The following NLGN1 variants were observed in gnomAD, a reference collection of about 807,000 sequenced individuals.
NLGN1 encodes neuroligin 1.
A neutral mutation model predicts 65.5 loss-of-function variants in NLGN1; 12 were observed. The ratio of observed to expected loss-of-function variants is 0.18; its 90% CI spans 0.12 to 0.30. The LOEUF (loss-of-function observed/expected upper bound fraction) is 0.30, where lower values mean the gene tolerates loss of function less well. Ranked by LOEUF, NLGN1 falls within the 10% of genes least tolerant of loss-of-function variation. The pLI is 1.00. For missense variants in NLGN1, 750 were observed against 1,007.1 expected, an observed-to-expected ratio of 0.74 and a Z score of 3.46; for synonymous variants, 350 against 359.5, an observed-to-expected ratio of 0.97 and a Z score of 0.30.
At position 174,116,330 on chromosome 3, in the gene NLGN1, C is replaced by CTTTTTTTTTTTTTTTTTTTTTTT. The variant is rs1168837585; in HGVS notation, c.647-158980_647-158958dup. Among the ~76,000 whole-genome samples the CTTTTTTTTTTTTTTTTTTTTTTT allele has an allele frequency of 2.0e-4, 14 of 69,634 alleles. 7 individuals carry two copies. The highest frequency in any genetic ancestry group is 2.9e-4 in the African/African-American group (6 of 20,740). 45.7% of individuals were successfully genotyped at this position (69,634 alleles called of 152,430 possible). A position where few individuals can be genotyped will look rare whatever the true frequency, so the allele number is the denominator to read the frequency against. On this transcript the variant is annotated intron_variant, in intron 4 of 6. Coordinates refer to ENST00000457714, the Ensembl canonical transcript of NLGN1. Reference sequence around the variant, plus strand: ...ACATGTAAGTTTTTTTCTGGGTTTTCTTTTTTTTTTTTTTTTTTTTTTTTT... The same window carrying CTTTTTTTTTTTTTTTTTTTTTTT: ...ACATGTAAGTTTTTTTCTGGGTTTTCTTTTTTTTTTTTTTTTTTTTTTTTTTTTTTTTTTTTTTTTTTTTTTTT...
rs1176517948 is a variant in NLGN1 at position 173,509,047 on chromosome 3, C to G, written c.-321+73969C>G. ...CATCCCAAGTCCATCAGAAAGATGG[C>G]ACCTCTAGAATACATACAAATTTCT... On this transcript the variant is annotated intron_variant, in intron 2 of 6. Coordinates refer to ENST00000457714, the Ensembl canonical transcript of NLGN1. 3.3e-5 allele frequency among the ~76,000 whole-genome samples: 5 copies of G among 152,130 alleles called. No individual in the cohort carries two copies. In the East Asian group the frequency reaches 9.6e-4, roughly 29 times the overall value.
intron 4 of NLGN1, among the ~76,000 whole-genome samples, chr3:174,061,271 T>C (rs1218574466): frequency 1.3e-5 from 2 of 152,150 alleles, no homozygotes; most frequent in East Asian, 3.9e-4. Flanking sequence ...ATTGATGCTA[T>C]GGGGTTTTCA....
At chr3:173,401,388 G>GT (rs201135574) in intron 1 of NLGN1, among the ~76,000 whole-genome samples, 1,889 of 151,350 alleles carry the variant, frequency 0.012, 45 homozygotes, top group African/African-American at 0.043. Flanking sequence ...GTTTTGTTTT[G>GT]TTTTTTGTTT....
At chr3:173,862,646 A>G (rs1386232992) in intron 4 of NLGN1, among the ~76,000 whole-genome samples, 1 of 152,108 alleles carries the variant, frequency 6.6e-6, no homozygotes, top group African/African-American at 2.4e-5. Context: ...CAGAAAGGGA[A>G]ACACCAAGCG....
At chr3:173,435,238 A>G (rs961925565) in intron 2 of NLGN1, among the ~76,000 whole-genome samples, 15 of 152,128 alleles carry the variant, frequency 9.9e-5, no homozygotes, top group Non-Finnish European at 1.8e-4. Context: ...CAATTTTAAT[A>G]CTTTTAGCCA....
At chr3:174,081,583 T>A (rs1742227301) in intron 4 of NLGN1, among the ~76,000 whole-genome samples, 1 of 148,460 alleles carries the variant, frequency 6.7e-6, no homozygotes, top group Admixed American at 6.7e-5. Context: ...TACCATCAAA[T>A]TAGTGATTAG....
intron 4 of NLGN1, among the ~76,000 whole-genome samples, chr3:174,254,901 GTTATATATATTTTAACTACT>G (rs1227419616): frequency 6.6e-6 from 1 of 152,054 alleles, no homozygotes; most frequent in African/African-American, 2.4e-5. Context: ...ATTCTCCCTT[GTTATATATATTTTAACTACT>G]TTTTTTCCAG....
intron 4 of NLGN1, among the ~76,000 whole-genome samples, chr3:174,132,935 A>G (rs1398680124): frequency 2.6e-5 from 4 of 152,198 alleles, no homozygotes; most frequent in African/African-American, 4.8e-5. Context: ...CCACTAATCC[A>G]TGATTTCTGG....
upstream of NLGN1, chr3:173,396,704 G>A (rs1206480490): frequency 6.6e-6 from 1 of 152,236 alleles, no homozygotes; most frequent in African/African-American, 2.4e-5. Context: ...AGGTAAGGGA[G>A]CTTCCTGCGT....
chr3:174,194,592 C>G (rs1012446326), intron 4 of NLGN1, among the ~76,000 whole-genome samples: 16 of 151,534 alleles, frequency 1.1e-4, no homozygotes, highest in African/African-American at 3.9e-4. Context: ...AATCATCAGG[C>G]TATTTGTAGA....
At chr3:173,831,358 A>G (rs938357433) in intron 4 of NLGN1, among the ~76,000 whole-genome samples, 1 of 152,368 alleles carries the variant, frequency 6.6e-6, no homozygotes, top group South Asian at 2.1e-4. Flanking sequence ...AATAACTTTT[A>G]AAGAAATGTG....
chr3:173,896,163 A>G (rs764626052), intron 4 of NLGN1, among the ~76,000 whole-genome samples: 8 of 152,210 alleles, frequency 5.3e-5, no homozygotes, highest in South Asian at 2.1e-4. Context: ...GGCCTCTAGT[A>G]GGAATACACT....
At chr3:173,495,679 T>A (rs1190478039) in intron 2 of NLGN1, among the ~76,000 whole-genome samples, 1 of 32,702 alleles carries the variant, frequency 3.1e-5, no homozygotes, top group Non-Finnish European at 7.7e-5. Context: ...GAGTCTTTTT[T>A]GAAAAAAAAA....
intron 4 of NLGN1, among the ~76,000 whole-genome samples, chr3:173,816,847 T>C (rs1349233848): frequency 6.6e-6 from 1 of 152,250 alleles, no homozygotes; most frequent in East Asian, 1.9e-4. Context: ...AAATGTCATC[T>C]TCTCAGGGAG....
At chr3:173,419,197 C>T (rs1387518658) in intron 1 of NLGN1, among the ~76,000 whole-genome samples, 7 of 150,710 alleles carry the variant, frequency 4.6e-5, no homozygotes, top group Admixed American at 1.3e-4. Flanking sequence ...CAATCAGGAG[C>T]GCTTTCTCTT....
chr3:173,738,093 T>C (rs887167084), intron 3 of NLGN1, among the ~76,000 whole-genome samples: 81 of 152,192 alleles, frequency 5.3e-4, no homozygotes, highest in African/African-American at 1.9e-3. Context: ...ATTTAAAATT[T>C]TTTTTTAAAT....
chr3:174,083,448 A>G (rs1742640635), intron 4 of NLGN1, among the ~76,000 whole-genome samples: 1 of 152,208 alleles, frequency 6.6e-6, no homozygotes, highest in African/African-American at 2.4e-5. Flanking sequence ...TGAAATTTAT[A>G]CTATAATGAA....
rs553462761 is a variant in NLGN1, at chr3:173,755,722, A to G, written c.494-51958A>G. On this transcript the variant is annotated intron_variant, in intron 3 of 6. Transcript: ENST00000457714. ...GGAGGGAGACCCAAATCAAGAATGC[A>G]AACATAAAGCGCAATGTAAAGTTGA... Among the ~76,000 whole-genome samples the G allele has an allele frequency of 3.9e-5, 6 of 152,240 alleles. No individual in the cohort carries two copies. In the South Asian group the frequency reaches 1.0e-3, roughly 26 times the overall value.
intron 4 of NLGN1, among the ~76,000 whole-genome samples, chr3:173,868,906 C>T (rs1730682608): frequency 6.6e-6 from 1 of 151,962 alleles, no homozygotes; most frequent in African/African-American, 2.4e-5. Flanking sequence ...GAGAGACAGA[C>T]AGAAAGAGAG....
Sources: allele counts gnomAD v4.1 joint callset (sites outside exome capture counted in the v4.1 genomes callset), GRCh38; gene constraint gnomAD v4.1.1; transcripts MANE v1.5; gene names NCBI Gene and HGNC (gene_info 2026-07-23, HGNC 2026-07-21).